ZC2HC1A: variants seen among roughly 807,000 people sequenced by gnomAD.
The protein encoded by ZC2HC1A is zinc finger C2HC domain-containing protein 1A.
ZC2HC1A carries 28 observed loss-of-function variants against 40.7 expected under a neutral mutation model. The ratio of observed to expected loss-of-function variants is 0.69; its 90% confidence interval spans 0.51 to 0.94. The LOEUF is 0.94. Among genes scored for constraint, ZC2HC1A ranks in the 40% least tolerant of loss-of-function variants. ZC2HC1A has a pLI of 0.00. For missense variants in ZC2HC1A, 389 were observed against 386.3 expected (o/e 1.01, Z -0.06); for synonymous variants, 129 against 129.2 (o/e 1.00, Z 0.01).
intron 7 of ZC2HC1A, chr8:78,712,241 A>T: frequency 5.2e-6 from 2 of 387,288 alleles, no homozygotes; most frequent in Non-Finnish European, 8.8e-6. Context: ...AAAATGTGTC[A>T]AATAATCTAG....
chr8:78,671,938 A>G (rs1024691419), intron 1 of ZC2HC1A, among the ~76,000 whole-genome samples: 2 of 152,166 alleles, frequency 1.3e-5, no homozygotes, highest in African/African-American at 4.8e-5. Context: ...TTGTTAAATT[A>G]CCGTACGTTA....
intron 7 of ZC2HC1A, among the ~76,000 whole-genome samples, chr8:78,701,463 T>C (rs1364614583): frequency 6.6e-6 from 1 of 152,246 alleles, no homozygotes; most frequent in Non-Finnish European, 1.5e-5. Flanking sequence ...ACTTCCTCTC[T>C]TCCTATTTGG....
intron 7 of ZC2HC1A, among the ~76,000 whole-genome samples, chr8:78,708,050 C>T (rs1165276869): frequency 6.6e-6 from 1 of 152,078 alleles, no homozygotes; most frequent in African/African-American, 2.4e-5. Flanking sequence ...AATCTATTGG[C>T]ATGTCACAGA....
intron 1 of ZC2HC1A, among the ~76,000 whole-genome samples, chr8:78,674,185 A>G (rs995819124): frequency 1.3e-5 from 2 of 152,274 alleles, no homozygotes; most frequent in Admixed American, 6.5e-5. Context: ...ATTACTTAGT[A>G]CATGCTTGGT....
At chr8:78,687,842 T>C in intron 4 of ZC2HC1A, among the ~76,000 whole-genome samples, 1 of 106,944 alleles carries the variant, frequency 9.4e-6, no homozygotes, top group South Asian at 3.6e-4. Flanking sequence ...ATAAATTATA[T>C]ATATATTTAT....
intron 1 of ZC2HC1A, 37 bp downstream of exon 1, chr8:78,666,201 G>A: frequency 1.9e-6 from 3 of 1,567,082 alleles, no homozygotes; most frequent in Non-Finnish European, 1.7e-6. Context: ...GACGGCTAGA[G>A]CGGGCCCGAA....
At chr8:78,695,318 T>TATTTGGA (rs1810363341) in intron 5 of ZC2HC1A, among the ~76,000 whole-genome samples, 1 of 152,166 alleles carries the variant, frequency 6.6e-6, no homozygotes, top group Admixed American at 6.6e-5. Flanking sequence ...TCTGCCTAAG[T>TATTTGGA]ATTTGGAAGC....
chr8:78,696,324 G>A (rs190779568), intron 5 of ZC2HC1A, among the ~76,000 whole-genome samples: 246 of 152,240 alleles, frequency 1.6e-3, no homozygotes, highest in African/African-American at 5.4e-3. Context: ...ATGAGCCACC[G>A]TGCCCAGCCC....
rs60056547 is a variant in ZC2HC1A at position 78,686,431 on chromosome 8, GTTTATTTATTTATTTA to G, written c.211-18_211-3del. 3.8e-5 allele frequency: 45 copies of G among 1,173,630 alleles called. 1 individual carries two copies. In the East Asian group the frequency reaches 1.1e-3, roughly 29 times the overall value. The allele number at this position is 1,173,630 out of a possible 1,614,324, so 72.7% of individuals were successfully genotyped here. On this transcript the variant is annotated intron_variant, in intron 3 of 8. Transcript: ENST00000263849. The stretch of plus-strand genomic sequence containing the variant: ...TCAATATACTAAAAAGATACTGTTT[GTTTATTTATTTATTTA>G]TTTATTTATTTATTTATAGCCAGAA...
rs889907928 is a variant in ZC2HC1A, at chr8:78,675,924, G to C, written c.93+61G>C. On this transcript the variant is annotated intron_variant, in intron 2 of 8. Transcript: ENST00000263849. ...AGATCTGTAATTGTTCAATAATTCTGGTCAATTCTCATGGGAAGAATTTAC... is the reference window on the plus strand; with the variant it reads ...AGATCTGTAATTGTTCAATAATTCTCGTCAATTCTCATGGGAAGAATTTAC... 18 of 1,440,522 alleles carry C rather than the reference G, an allele frequency of 1.2e-5. No homozygotes were observed. In the African/African-American group the frequency reaches 2.3e-4, roughly 18 times the overall value. 89.2% of individuals were successfully genotyped at this position (1,440,522 alleles called of 1,614,324 possible). A position where few individuals can be genotyped will look rare whatever the true frequency, so the allele number is the denominator to read the frequency against.
intron 7 of ZC2HC1A, among the ~76,000 whole-genome samples, chr8:78,699,066 A>T (rs1411206105): frequency 6.6e-6 from 1 of 152,178 alleles, no homozygotes; most frequent in African/African-American, 2.4e-5. Context: ...ATAGTAAATT[A>T]TGAAAATCTA....
chr8:78,710,681 A>G (rs989830810), intron 7 of ZC2HC1A, among the ~76,000 whole-genome samples: 31 of 152,098 alleles, frequency 2.0e-4, no homozygotes, highest in African/African-American at 7.5e-4. Flanking sequence ...AAGGATTAGA[A>G]TAAAATCTGA....
intron 3 of ZC2HC1A, among the ~76,000 whole-genome samples, chr8:78,681,113 G>A (rs560614199): frequency 3.3e-5 from 5 of 152,048 alleles, no homozygotes; most frequent in African/African-American, 1.2e-4. Flanking sequence ...GGATCTGAGG[G>A]AAGCAGGGTG....
chr8:78,717,021 C>A lies in ZC2HC1A; in HGVS notation c.813-307C>A, dbSNP rs1365995717. Among the ~76,000 whole-genome samples, 9 of 150,304 alleles carry A rather than the reference C, an allele frequency of 6.0e-5. No individual in the cohort carries two copies. In the East Asian group the frequency reaches 9.7e-4, roughly 16 times the overall value. On this transcript the variant is annotated intron_variant, in intron 8 of 8. Coordinates refer to ENST00000263849, the MANE Select transcript of ZC2HC1A (RefSeq NM_016010.3). The stretch of plus-strand genomic sequence containing the variant: ...CCTGCAGAACTGTGAGTCAGTTAAA[C>A]CTCTTTTCTTTATAAATTACCCAGT...
chr8:78,675,150 A>G (rs1465987162), intron 1 of ZC2HC1A, among the ~76,000 whole-genome samples: 3 of 151,534 alleles, frequency 2.0e-5, no homozygotes, highest in Non-Finnish European at 4.4e-5. Context: ...TTAATAATTG[A>G]GTGAAAGTTG....
At chr8:78,706,295 T>G (rs1486182926) in intron 7 of ZC2HC1A, among the ~76,000 whole-genome samples, 1 of 152,166 alleles carries the variant, frequency 6.6e-6, no homozygotes, top group Non-Finnish European at 1.5e-5. Context: ...TCAGCCTTTT[T>G]TCCTAAGGGT....
chr8:78,700,678 G>C (rs1810572204), intron 7 of ZC2HC1A, among the ~76,000 whole-genome samples: 2 of 152,098 alleles, frequency 1.3e-5, no homozygotes, highest in Admixed American at 6.6e-5. Context: ...GTTAATTTTT[G>C]TATATGGTGG....
At chr8:78,708,677 T>A (rs1810859421) in intron 7 of ZC2HC1A, among the ~76,000 whole-genome samples, 1 of 151,386 alleles carries the variant, frequency 6.6e-6, no homozygotes, top group Admixed American at 6.6e-5. Flanking sequence ...ATTATCTTTT[T>A]TTTTTCTTTT....
At chr8:78,666,385 G>A (rs1809298322) in intron 1 of ZC2HC1A, among the ~76,000 whole-genome samples, 1 of 152,220 alleles carries the variant, frequency 6.6e-6, no homozygotes, top group Admixed American at 6.5e-5. Context: ...CTTCAACTGG[G>A]CTTTCCCGCC....
Sources: allele counts gnomAD v4.1 joint callset (sites outside exome capture counted in the v4.1 genomes callset), GRCh38; gene constraint gnomAD v4.1.1; transcripts MANE v1.5; gene names NCBI Gene and HGNC (gene_info 2026-07-23, HGNC 2026-07-21).